BAIAP2L1: variants seen among roughly 807,000 people sequenced by gnomAD.
BAIAP2L1 encodes the protein BAR/IMD domain-containing adapter protein 2-like 1.
A neutral mutation model predicts 66.3 loss-of-function variants in BAIAP2L1; 35 were observed. The ratio of observed to expected loss-of-function variants is 0.53; its 90% confidence interval spans 0.40 to 0.70. The LOEUF (loss-of-function observed/expected upper bound fraction) is 0.70, where lower values mean the gene tolerates loss of function less well. BAIAP2L1 is among the 30% of genes least tolerant of loss of function. BAIAP2L1 has a pLI of 0.00. For synonymous variants in BAIAP2L1, 269 were observed against 248.7 expected (o/e 1.08, Z -0.77); for missense variants, 622 against 656.9 (o/e 0.95, Z 0.58).
At chr7:98,397,591 T>A (rs1179894785) in intron 1 of BAIAP2L1, among the ~76,000 whole-genome samples, 1 of 152,134 alleles carries the variant, frequency 6.6e-6, no homozygotes, top group Non-Finnish European at 1.5e-5. Flanking sequence ...CCTCCCAAAG[T>A]GCTGGGATTA....
chr7:98,340,854 G>T (rs1353148353), intron 3 of BAIAP2L1, among the ~76,000 whole-genome samples: 1 of 150,066 alleles, frequency 6.7e-6, no homozygotes, highest in Non-Finnish European at 1.5e-5. Flanking sequence ...GAGAGCAATG[G>T]TGTGACCTCA....
chr7:98,394,316 GT>G (rs1480752392), intron 1 of BAIAP2L1, among the ~76,000 whole-genome samples: 2 of 152,120 alleles, frequency 1.3e-5, no homozygotes, highest in African/African-American at 4.8e-5. Context: ...AGTTATGATA[GT>G]TTTAGAGTCT....
intron 12 of BAIAP2L1, among the ~76,000 whole-genome samples, chr7:98,302,692 G>T (rs1800478058): frequency 6.6e-6 from 1 of 152,204 alleles, no homozygotes; most frequent in Non-Finnish European, 1.5e-5. Context: ...AGAGGCAGAG[G>T]GGGGACCTGT....
At chr7:98,370,821 T>C (rs1374582184) in intron 1 of BAIAP2L1, among the ~76,000 whole-genome samples, 1 of 152,138 alleles carries the variant, frequency 6.6e-6, no homozygotes, top group African/African-American at 2.4e-5. Flanking sequence ...TTTCTAACAG[T>C]GGAAAATCCA....
intron 1 of BAIAP2L1, among the ~76,000 whole-genome samples, chr7:98,380,227 A>C (rs1221411890): frequency 6.6e-6 from 1 of 151,976 alleles, no homozygotes; most frequent in Non-Finnish European, 1.5e-5. Flanking sequence ...TTAGGTACGC[A>C]CCAACACACC....
chr7:98,303,321 C>T (rs1295064497), intron 12 of BAIAP2L1, among the ~76,000 whole-genome samples: 3 of 152,284 alleles, frequency 2.0e-5, no homozygotes, highest in South Asian at 2.1e-4. Flanking sequence ...CTGGCTCCTT[C>T]GCCCCAAAGC....
At position 98,292,958 on chromosome 7, in the gene BAIAP2L1, G is replaced by A; in HGVS notation, c.*563C>T. On this transcript the variant is annotated 3_prime_UTR_variant, in exon 14 of 14. Coordinates refer to ENST00000005260, the MANE Select transcript of BAIAP2L1 (RefSeq NM_018842.5). ...ACTCTACAGCTCTGGCGTGGTTGGA[G>A]GGAGGGTGGGGGTTTCTCCATCTCT... The A allele has an allele frequency of 8.2e-7, 1 of 1,221,542 alleles. No homozygotes were observed. Among genetic ancestry groups the A allele is most frequent in the Non-Finnish European group, 1.0e-6 (1 of 979,430 alleles). The allele number at this position is 1,221,542 out of a possible 1,614,324, so 75.7% of individuals were successfully genotyped here.
chr7:98,322,345 C>A (rs958111123), intron 3 of BAIAP2L1, among the ~76,000 whole-genome samples: 1 of 152,184 alleles, frequency 6.6e-6, no homozygotes. Flanking sequence ...AACACGACCA[C>A]GCAGACGTCC....
intron 13 of BAIAP2L1, among the ~76,000 whole-genome samples, 162 bp from the exon 14 acceptor site, chr7:98,293,758 C>G (rs913908568): frequency 2.6e-5 from 4 of 152,212 alleles, no homozygotes; most frequent in African/African-American, 9.6e-5. Context: ...AAGTTTTGTT[C>G]AGTGATGATT....
At chr7:98,369,553 G>A (rs1360185990) in intron 1 of BAIAP2L1, among the ~76,000 whole-genome samples, 3 of 151,820 alleles carry the variant, frequency 2.0e-5, no homozygotes, top group Admixed American at 6.6e-5. Flanking sequence ...ACAGAGAGCC[G>A]ACCCTGCCCA....
At chr7:98,348,234 G>A (rs1801919820) in intron 3 of BAIAP2L1, among the ~76,000 whole-genome samples, 1 of 152,074 alleles carries the variant, frequency 6.6e-6, no homozygotes, top group Admixed American at 6.5e-5. Flanking sequence ...AAGACACAAT[G>A]GAGAGACTTG....
At chr7:98,353,518 CATAT>C (rs1311773684) in intron 3 of BAIAP2L1, among the ~76,000 whole-genome samples, 1 of 131,358 alleles carries the variant, frequency 7.6e-6, no homozygotes, top group Non-Finnish European at 1.6e-5. Context: ...TATAAATACA[CATAT>C]ATTTATAAAT....
intron 2 of BAIAP2L1, among the ~76,000 whole-genome samples, chr7:98,361,060 G>T (rs1487381257): frequency 6.6e-6 from 1 of 152,002 alleles, no homozygotes; most frequent in East Asian, 1.9e-4. Flanking sequence ...AACCAGTATG[G>T]CAAAAAAGAT....
At chr7:98,374,345 T>C (rs972710493) in intron 1 of BAIAP2L1, among the ~76,000 whole-genome samples, 1 of 152,214 alleles carries the variant, frequency 6.6e-6, no homozygotes, top group African/African-American at 2.4e-5. Flanking sequence ...ACATTTTACA[T>C]GGATTGTCTC....
chr7:98,317,100 G>A, intron 6 of BAIAP2L1, 119 bp downstream of exon 6: 1 of 1,282,056 alleles, frequency 7.8e-7, no homozygotes, highest in Non-Finnish European at 1.1e-6. Context: ...TGATCCTACT[G>A]CCTCGGCCTC....
At chr7:98,332,110 A>G (rs1047248337) in intron 3 of BAIAP2L1, among the ~76,000 whole-genome samples, 6 of 151,996 alleles carry the variant, frequency 3.9e-5, no homozygotes, top group African/African-American at 1.4e-4. Flanking sequence ...GGCTGGGCGC[A>G]GTGGCTCACA....
intron 1 of BAIAP2L1, among the ~76,000 whole-genome samples, chr7:98,387,825 G>A (rs2115830286): frequency 6.6e-6 from 1 of 152,188 alleles, no homozygotes; most frequent in African/African-American, 2.4e-5. Flanking sequence ...CTATGATTGT[G>A]CCATTTCACT....
intron 12 of BAIAP2L1, among the ~76,000 whole-genome samples, chr7:98,298,587 T>C (rs1039965162): frequency 1.3e-5 from 2 of 152,074 alleles, no homozygotes; most frequent in Non-Finnish European, 2.9e-5. Context: ...CACTCCAGCC[T>C]GGGTGACAGA....
At chr7:98,386,657 C>A (rs941716390) in intron 1 of BAIAP2L1, 104 of 920,556 alleles carry the variant, frequency 1.1e-4, no homozygotes, top group Non-Finnish European at 1.6e-4. Context: ...TTTTTTGTCT[C>A]TCATCGACTT....
Sources: gnomAD v4.1 joint callset for allele counts (sites outside exome capture counted in the v4.1 genomes callset) on GRCh38, gnomAD v4.1.1 for gene constraint, MANE v1.5 for transcripts, NCBI Gene and HGNC (gene_info 2026-07-23, HGNC 2026-07-21) for gene names.